PCDHGA11: variants seen among roughly 807,000 people sequenced by gnomAD.
PCDHGA11 encodes the protein protocadherin gamma-A11.
Under a neutral mutation model 60.4 loss-of-function variants are expected in PCDHGA11, and 39 were observed. That is an observed-to-expected ratio of 0.65 (90% confidence interval 0.50 to 0.84). PCDHGA11 has a LOEUF of 0.84. Among genes scored for constraint, PCDHGA11 ranks in the 40% least tolerant of loss-of-function variants. The probability of loss-of-function intolerance (pLI) is 0.00; values close to 1 mark genes in which losing one functional copy is unlikely to be tolerated. For synonymous variants in PCDHGA11, 533 were observed against 510.3 expected (o/e 1.04, Z -0.60); for missense variants, 1,165 against 1,197.7 (o/e 0.97, Z 0.40).
chr5:141,497,466 G>T (rs1047422582), intron 2 of PCDHGA11, among the ~76,000 whole-genome samples: 2 of 152,020 alleles, frequency 1.3e-5, no homozygotes, highest in African/African-American at 4.8e-5. Flanking sequence ...TGGAGATATG[G>T]AGGAGAAGGT....
chr5:141,461,072 A>G (rs555905734), intron 1 of PCDHGA11, among the ~76,000 whole-genome samples: 2 of 151,574 alleles, frequency 1.3e-5, no homozygotes, highest in Non-Finnish European at 2.9e-5. Flanking sequence ...ACATTTTTGC[A>G]ATTGTGAATT....
chr5:141,450,006 C>CTTTT (rs1554136305), intron 1 of PCDHGA11, among the ~76,000 whole-genome samples: 4 of 132,984 alleles, frequency 3.0e-5, no homozygotes, highest in South Asian at 2.3e-4. Flanking sequence ...TGCCATGTCT[C>CTTTT]TTTTTTTTTT....
chr5:141,470,459 A>T (rs59770804), intron 1 of PCDHGA11, among the ~76,000 whole-genome samples: 32,627 of 152,034 alleles, frequency 0.21, 3,610 homozygotes, highest in African/African-American at 0.27. Context: ...CTTGAATAGG[A>T]TTTTCTGATA....
Position 141,490,483 on chromosome 5 carries a change from G to A in PCDHGA11, c.2434-4324G>A. On this transcript the variant is annotated intron_variant, in intron 1 of 3. Transcript: ENST00000398587. The surrounding 1 kb of genome is among the most constrained non-coding windows in gnomAD (Gnocchi z 5.4). ...GCTAACCAGCCAGCCTTTGGACCGG[G>A]AGGCCACATCCCACTATATCATCGA... 2.5e-6 allele frequency: 4 copies of A among 1,614,198 alleles called. No individual in the cohort carries two copies. Among genetic ancestry groups the A allele is most frequent in the Non-Finnish European group, 3.4e-6 (4 of 1,180,046 alleles).
chr5:141,422,638 T>G lies in PCDHGA11; in HGVS notation c.1411T>G (p.Ser471Ala), dbSNP rs1412270971. 1 of 1,612,392 alleles carries G rather than the reference T, an allele frequency of 6.2e-7. No individual in the cohort carries two copies. The change falls in exon 1 of 4, where the codon TCC (serine) becomes GCC (alanine). Residue 471 changes from serine (S) to alanine (A), a missense_variant. Transcript: ENST00000398587. ...YIPENNPRGASIFSVTALDPD... is the reference protein window; with the variant it reads ...YIPENNPRGAAIFSVTALDPD... ...TCCCGAAAACAACCCCAGGGGTGCC[T>G]CCATCTTCTCAGTGACCGCCCTCGA...
chr5:141,502,750 A>G (rs974131144), intron 2 of PCDHGA11, among the ~76,000 whole-genome samples: 3 of 151,928 alleles, frequency 2.0e-5, no homozygotes, highest in Non-Finnish European at 4.4e-5. Context: ...TTCCTTCTAC[A>G]TGTATTTGCT....
chr5:141,442,298 G>A (rs934210433), intron 1 of PCDHGA11: 2 of 152,564 alleles, frequency 1.3e-5, no homozygotes, highest in African/African-American at 4.8e-5. Flanking sequence ...TCCTGTCTGA[G>A]TCTTTCCCAC....
intron 1 of PCDHGA11, 92 bp downstream of exon 1, chr5:141,423,752 G>T: frequency 6.2e-6 from 4 of 644,948 alleles, no homozygotes; most frequent in Non-Finnish European, 7.8e-6. Context: ...AAACTGTTTG[G>T]GGGGGGGGTG....
In PCDHGA11 at chr5:141,490,376, C is replaced by T. The variant is rs761956816; in HGVS notation, c.2434-4431C>T. 2 of 1,614,184 alleles carry T rather than the reference C, an allele frequency of 1.2e-6. No individual in the cohort carries two copies. The highest frequency in any genetic ancestry group is 1.7e-6 in the Non-Finnish European group (2 of 1,180,036). ...TTGTTTAATGTGCGAGACCGGGACT[C>T]AGGTAGAAATGGTGAAGTGAGCCTT... is the stretch of plus-strand genomic sequence containing the variant. On this transcript the variant is annotated intron_variant, in intron 1 of 3. Transcript: ENST00000398587. The surrounding 1 kb of genome is among the most constrained non-coding windows in gnomAD (Gnocchi z 5.4).
At position 141,476,114 on chromosome 5, in the gene PCDHGA11, G is replaced by C; in HGVS notation, c.2434-18693G>C. 3.8e-6 allele frequency: 6 copies of C among 1,592,296 alleles called. No homozygotes were observed. Among genetic ancestry groups the C allele is most frequent in the Non-Finnish European group, 5.1e-6 (6 of 1,171,536 alleles). On this transcript the variant is annotated intron_variant, in intron 1 of 3. Coordinates refer to ENST00000398587, the MANE Select transcript of PCDHGA11 (RefSeq NM_018914.3). This position sits in a 1 kb window ranked among gnomAD's most constrained non-coding sequence, Gnocchi z 7.6. Reference sequence around the variant, plus strand: ...CCGCTGAGAGGAACTGCTTTTGAGTGAGATGGTCCCAGAGGCCTGGAGGAG... The same window carrying C: ...CCGCTGAGAGGAACTGCTTTTGAGTCAGATGGTCCCAGAGGCCTGGAGGAG...
chr5:141,425,248 G>T (rs954872490), intron 1 of PCDHGA11, among the ~76,000 whole-genome samples: 2 of 152,178 alleles, frequency 1.3e-5, no homozygotes, highest in Admixed American at 1.3e-4. Context: ...AAAAGGATAT[G>T]AGGTATTTGG....
At chr5:141,446,069 C>T (rs552817495) in intron 1 of PCDHGA11, among the ~76,000 whole-genome samples, 1 of 152,102 alleles carries the variant, frequency 6.6e-6, no homozygotes, top group South Asian at 2.1e-4. Flanking sequence ...AAAGGGGAGG[C>T]AGTGGATGTA....
At position 141,487,547 on chromosome 5, in the gene PCDHGA11, A is replaced by G. The variant is rs2099649592; in HGVS notation, c.2434-7260A>G. On this transcript the variant is annotated intron_variant, in intron 1 of 3. Coordinates refer to ENST00000398587, the MANE Select transcript of PCDHGA11 (RefSeq NM_018914.3). The surrounding 1 kb of genome is among the most constrained non-coding windows in gnomAD (Gnocchi z 5.0). ...TAGCTTCATGATGGTGAAGTCACCC[A>G]GTGCACCTATGGCAGGGGAGCCTGT... 2 of 1,614,216 alleles carry G rather than the reference A, an allele frequency of 1.2e-6. No individual in the cohort carries two copies. Among genetic ancestry groups the G allele is most frequent in the Non-Finnish European group, 8.5e-7 (1 of 1,180,046 alleles).
intron 1 of PCDHGA11, among the ~76,000 whole-genome samples, chr5:141,469,909 C>G (rs760329158): frequency 2.0e-5 from 3 of 152,120 alleles, no homozygotes; most frequent in Non-Finnish European, 2.9e-5. Context: ...GGCAGGCAGA[C>G]CACCCGAGGT....
Position 141,490,629 on chromosome 5 carries a change from C to T in PCDHGA11, c.2434-4178C>T, listed in dbSNP as rs1174984711. 1.2e-6 allele frequency: 2 copies of T among 1,614,214 alleles called. No individual in the cohort carries two copies. Among genetic ancestry groups the T allele is most frequent in the East Asian group, 2.2e-5 (1 of 44,882 alleles). On this transcript the variant is annotated intron_variant, in intron 1 of 3. Coordinates refer to ENST00000398587, the MANE Select transcript of PCDHGA11 (RefSeq NM_018914.3). This position sits in a 1 kb window ranked among gnomAD's most constrained non-coding sequence, Gnocchi z 5.4. ...ACCAGCAGCTTTACACTGCTTACAT[C>T]CTAGAAAACCGGCCTCCGGGCTCCC...
chr5:141,472,852 G>A (rs1354948628), intron 1 of PCDHGA11, among the ~76,000 whole-genome samples: 1 of 151,160 alleles, frequency 6.6e-6, no homozygotes, highest in African/African-American at 2.4e-5. Flanking sequence ...TGGGCATGGT[G>A]GCACATGCCT....
Position 141,486,219 on chromosome 5 carries a change from A to G in PCDHGA11, c.2434-8588A>G. 1 of 1,614,134 alleles carries G rather than the reference A, an allele frequency of 6.2e-7. No individual in the cohort carries two copies. Among genetic ancestry groups the G allele is most frequent in the African/African-American group, 1.3e-5 (1 of 75,042 alleles). ...CTGGACGTAAATGACAATGCCCCTT[A>G]CATCACAGTGACCTCAGAGCTTGGA... On this transcript the variant is annotated intron_variant, in intron 1 of 3. Transcript: ENST00000398587. This position sits in a 1 kb window ranked among gnomAD's most constrained non-coding sequence, Gnocchi z 5.0.
At position 141,486,641 on chromosome 5, in the gene PCDHGA11, A is replaced by C; in HGVS notation, c.2434-8166A>C. On this transcript the variant is annotated intron_variant, in intron 1 of 3. Transcript: ENST00000398587. The surrounding 1 kb of genome is among the most constrained non-coding windows in gnomAD (Gnocchi z 5.0). ...CCCAGACTCTGGCTTGAATGCGCTTATCTCCTACTCACTCCTGGAGCCCAG... is the reference window on the plus strand; with the variant it reads ...CCCAGACTCTGGCTTGAATGCGCTTCTCTCCTACTCACTCCTGGAGCCCAG... 6.2e-7 allele frequency: 1 copy of C among 1,613,734 alleles called. No individual in the cohort carries two copies. The highest frequency in any genetic ancestry group is 1.6e-4 in the Middle Eastern group (1 of 6,062).
chr5:141,478,336 C>T, intron 1 of PCDHGA11: 2 of 1,613,950 alleles, frequency 1.2e-6, no homozygotes, highest in South Asian at 2.2e-5. Context: ...CACCAGGGCC[C>T]TCCTTGCACG....
Sources: gnomAD v4.1 joint callset for allele counts (sites outside exome capture counted in the v4.1 genomes callset) on GRCh38, gnomAD v4.1.1 for gene constraint, Gnocchi (gnomAD v3.1) non-coding constraint, MANE v1.5 for transcripts, NCBI Gene and HGNC (gene_info 2026-07-23, HGNC 2026-07-21) for gene names.